The following SETD1A variants were observed in gnomAD, a reference collection of about 807,000 sequenced individuals.
SETD1A encodes the protein histone-lysine N-methyltransferase SETD1A.
Under a neutral mutation model 149.9 loss-of-function variants are expected in SETD1A, and 29 were observed. The ratio of observed to expected loss-of-function variants is 0.19; its 90% confidence interval spans 0.14 to 0.26. The LOEUF (loss-of-function observed/expected upper bound fraction) is 0.26. Ranked by LOEUF, SETD1A falls within the 10% of genes least tolerant of loss-of-function variation. The pLI, the probability that SETD1A is intolerant of heterozygous loss-of-function variation, is 1.00. For missense variants in SETD1A, 2,109 were observed against 2,353.1 expected (o/e 0.90, Z 2.15); for synonymous variants, 1,141 against 968.5 (o/e 1.18, Z -3.31).
intron 1 of SETD1A, among the ~76,000 whole-genome samples, 153 bp downstream of exon 1, chr16:30,958,117 G>A (rs1271503769): frequency 6.7e-6 from 1 of 149,730 alleles, no homozygotes; most frequent in East Asian, 2.0e-4. Context: ...GCCGCTCGCC[G>A]GGAGCGGGTG....
chr16:30,979,445 G>C lies in SETD1A; in HGVS notation c.3659G>C (p.Ser1220Thr). The C allele has an allele frequency of 1.2e-6, 2 of 1,605,438 alleles. No individual in the cohort carries two copies. The highest frequency in any genetic ancestry group is 1.7e-6 in the Non-Finnish European group (2 of 1,176,142). Residue 1220 changes from serine to threonine, a missense_variant, in exon 14 of 19, where the codon AGT (serine) becomes ACT (threonine). Transcript: ENST00000262519. ...LPLDHASLVK[S>T]WPEEVSRGGR... is the part of the protein sequence containing the mutation. ...CTGGACCACGCATCTCTGGTCAAGA[G>C]TTGGCCCGAGGAGGTGTCCCGAGGA... is the stretch of plus-strand genomic sequence containing the variant.
Position 30,980,892 on chromosome 16 carries a change from G to T in SETD1A, c.4692+43G>T, listed in dbSNP as rs1476346894. The T allele has an allele frequency of 1.4e-6, 2 of 1,450,906 alleles. No homozygotes were observed. The highest frequency in any genetic ancestry group is 1.4e-5 in the African/African-American group (1 of 71,888). The allele number at this position is 1,450,906 out of a possible 1,614,324, so 89.9% of individuals were successfully genotyped here. A position where few individuals can be genotyped will look rare whatever the true frequency, so the allele number is the denominator to read the frequency against. ...GAGGGGCTGGGTGGGGTGGGGTGGG[G>T]CAGGAAGGGGCAGAGGCCAGGGGAC... On this transcript the variant is annotated intron_variant, in intron 16 of 18. Transcript: ENST00000262519. The surrounding 1 kb of genome is among the most constrained non-coding windows in gnomAD (Gnocchi z 7.7).
Position 30,964,340 on chromosome 16 carries a change from G to A in SETD1A, c.869+17G>A, listed in dbSNP as rs754822452. 33 of 1,598,780 alleles carry A rather than the reference G, an allele frequency of 2.1e-5. No individual in the cohort carries two copies. The highest frequency in any genetic ancestry group is 2.4e-5 in the Non-Finnish European group (28 of 1,167,852). ...CTCCAGCAGGTACAGAGCAGACCCC[G>A]CCTGGGGCCCCGCCCGCAAAGTCTG... is the stretch of plus-strand genomic sequence containing the variant. On this transcript the variant is annotated intron_variant, in intron 6 of 18. Transcript: ENST00000262519.
intron 5 of SETD1A, 151 bp from the exon 6 acceptor site, chr16:30,963,943 G>A (rs2056092994): frequency 3.0e-6 from 2 of 666,772 alleles, no homozygotes; most frequent in Non-Finnish European, 5.1e-6. Context: ...AGTGAGCCGA[G>A]ATCACGCCAC....
chr16:30,980,688 G>T lies in SETD1A; in HGVS notation c.4581+31G>T. 1 of 1,610,848 alleles carries T rather than the reference G, an allele frequency of 6.2e-7. No individual in the cohort carries two copies. On this transcript the variant is annotated intron_variant, in intron 15 of 18. Transcript: ENST00000262519. The surrounding 1 kb of genome is among the most constrained non-coding windows in gnomAD (Gnocchi z 7.7). ...CCTAACCCCGCCGCCGCGTCCTCCT[G>T]CCACTCACTTCCCTGCCCTGCTCAC...
At position 30,979,220 on chromosome 16, in the gene SETD1A, CA is replaced by C; in HGVS notation, c.3435del (p.Arg1146AlafsTer116). On this transcript the variant is annotated frameshift_variant, in exon 14 of 19. Coordinates refer to ENST00000262519, the MANE Select transcript of SETD1A (RefSeq NM_014712.3). LOFTEE classifies it high-confidence loss of function. ...EPPAGPPAPA[P>X]RPDERPSSPI... The stretch of plus-strand genomic sequence containing the variant: ...CCTGCTGGGCCCCCGGCCCCTGCCC[CA>C]CGCCCCGATGAGCGTCCCTCTTCTC... 2 of 1,589,318 alleles carry C rather than the reference CA, an allele frequency of 1.3e-6. No homozygotes were observed. Among genetic ancestry groups the C allele is most frequent in the Non-Finnish European group, 1.7e-6 (2 of 1,167,074 alleles).
chr16:30,980,694 CACTT>C lies in SETD1A; in HGVS notation c.4581+38_4581+41del. 1.9e-6 allele frequency: 3 copies of C among 1,610,912 alleles called. No homozygotes were observed. The highest frequency in any genetic ancestry group is 2.5e-6 in the Non-Finnish European group (3 of 1,179,010). ...CCCGCCGCCGCGTCCTCCTGCCACTCACTTCCCTGCCCTGCTCACCTCCTCCCTG... is the reference window on the plus strand; with the variant it reads ...CCCGCCGCCGCGTCCTCCTGCCACTCCCCTGCCCTGCTCACCTCCTCCCTG... On this transcript the variant is annotated intron_variant, in intron 15 of 18. Transcript: ENST00000262519. The surrounding 1 kb of genome is among the most constrained non-coding windows in gnomAD (Gnocchi z 7.7).
chr16:30,978,626 T>G (rs2056317543), intron 13 of SETD1A, among the ~76,000 whole-genome samples: 1 of 152,234 alleles, frequency 6.6e-6, no homozygotes, highest in Admixed American at 6.5e-5. Context: ...TTTCATAAAA[T>G]ATTTTAATAC....
Position 30,958,730 on chromosome 16 carries a change from A to C in SETD1A, c.-2A>C, listed in dbSNP as rs1333123988. ...TTCCCCTAACAGTGTAAATGAGCAAAGATGGATCAGGAAGGTGGGGGAGAT... is the reference window on the plus strand; with the variant it reads ...TTCCCCTAACAGTGTAAATGAGCAACGATGGATCAGGAAGGTGGGGGAGAT... On this transcript the variant is annotated 5_prime_UTR_variant, in exon 2 of 19. Coordinates refer to ENST00000262519, the MANE Select transcript of SETD1A (RefSeq NM_014712.3). 6.2e-7 allele frequency: 1 copy of C among 1,614,114 alleles called. No individual in the cohort carries two copies. The highest frequency in any genetic ancestry group is 1.1e-5 in the South Asian group (1 of 91,072).
Position 30,984,312 on chromosome 16 carries a change from G to A in SETD1A, c.*289G>A. On this transcript the variant is annotated 3_prime_UTR_variant, in exon 19 of 19. Transcript: ENST00000262519. ...CTGTGGAAACCTGGGGTGCCGGCCT[G>A]TACAGATTCTGTCCTGGGGGGCTAC... The A allele has an allele frequency of 2.3e-6, 1 of 436,996 alleles. No homozygotes were observed. The highest frequency in any genetic ancestry group is 4.2e-6 in the Non-Finnish European group (1 of 239,152). The allele number at this position is 436,996 out of a possible 1,614,324, so 27.1% of individuals were successfully genotyped here.
rs367557536 is a variant in SETD1A at position 30,983,945 on chromosome 16, C to T, written c.5046C>T (p.Tyr1682=). Residue 1682 remains tyrosine, a synonymous_variant, in exon 19 of 19, where the codon TAC becomes TAT. Transcript: ENST00000262519. This position sits in a 1 kb window ranked among gnomAD's most constrained non-coding sequence, Gnocchi z 6.8. The part of the protein sequence containing the change: ...QPIGVDEEIT[Y]DYKFPLEDNK... ...TTGGCGTGGACGAGGAGATCACCTA[C>T]GACTACAAGTTCCCACTGGAAGACA... is the stretch of plus-strand genomic sequence containing the variant. 7.6e-5 allele frequency: 122 copies of T among 1,614,112 alleles called. 2 individuals are homozygous for T. The South Asian group carries it at 1.1e-3, about 15-fold the overall frequency.
In SETD1A at chr16:30,979,455, G is replaced by A. The variant is rs1319360462; in HGVS notation, c.3669G>A (p.Glu1223=). The A allele has an allele frequency of 6.2e-7, 1 of 1,603,512 alleles. No homozygotes were observed. ...CATCTCTGGTCAAGAGTTGGCCCGA[G>A]GAGGTGTCCCGAGGAGGCCGGAGCC... is the stretch of plus-strand genomic sequence containing the variant. The part of the protein sequence containing the change: ...DHASLVKSWP[E]EVSRGGRSRA... The change falls in exon 14 of 19, where the codon GAG becomes GAA. Residue 1223 remains glutamate (E), a synonymous_variant. Coordinates refer to ENST00000262519, the MANE Select transcript of SETD1A (RefSeq NM_014712.3).
At chr16:30,960,619 G>A (rs555231042) in intron 3 of SETD1A, among the ~76,000 whole-genome samples, 2 of 151,860 alleles carry the variant, frequency 1.3e-5, no homozygotes, top group Non-Finnish European at 2.9e-5. Context: ...TATTTCCAGT[G>A]CCTCGTTCAT....
At chr16:30,974,793 C>T (rs1207534785) in intron 13 of SETD1A, among the ~76,000 whole-genome samples, 1 of 151,648 alleles carries the variant, frequency 6.6e-6, no homozygotes, top group Non-Finnish European at 1.5e-5. Context: ...GATCACTTGA[C>T]GTCAGGAGTT....
chr16:30,979,405 A>C lies in SETD1A; in HGVS notation c.3619A>C (p.Ile1207Leu), dbSNP rs1362639783. ...GGCTCCCCGGGGCGTGGAGCGGACC[A>C]TCCGCAACCTGCCCCTGGACCACGC... Reference protein sequence around the residue: ...RKAPRGVERTIRNLPLDHASL... With the variant: ...RKAPRGVERTLRNLPLDHASL... Residue 1207 changes from isoleucine to leucine, a missense_variant, in exon 14 of 19, where the codon ATC (isoleucine) becomes CTC (leucine). This residue lies in a region of SETD1A where 832 missense variants were observed against 815.6 expected (regional missense o/e 1.02). Transcript: ENST00000262519. 6.2e-7 allele frequency: 1 copy of C among 1,611,718 alleles called. No individual in the cohort carries two copies. Among genetic ancestry groups the C allele is most frequent in the Admixed American group, 1.7e-5 (1 of 59,792 alleles).
rs1178801351 is a variant in SETD1A at position 30,971,385 on chromosome 16, C to T, written c.3024C>T (p.Asp1008=). The change falls in exon 13 of 19, where the codon GAC becomes GAT. Residue 1008 remains aspartate (D), a synonymous_variant. Coordinates refer to ENST00000262519, the MANE Select transcript of SETD1A (RefSeq NM_014712.3). ...CCCCTTCTGGATTTCCAGGCGAGGA[C>T]GAGGAAAGCGATTCGTCTTCCAAAT... is the stretch of plus-strand genomic sequence containing the variant. ...KKETEVSDGE[D]EESDSSSKCS... is the part of the protein sequence containing the mutation. 5.1e-6 allele frequency: 8 copies of T among 1,575,990 alleles called. No individual in the cohort carries two copies. Among genetic ancestry groups the T allele is most frequent in the South Asian group, 1.2e-5 (1 of 85,660 alleles).
chr16:30,968,818 A>G (rs2056187318), intron 10 of SETD1A, among the ~76,000 whole-genome samples: 1 of 151,452 alleles, frequency 6.6e-6, no homozygotes, highest in South Asian at 2.1e-4. Context: ...AAATATATAT[A>G]TATATGCCAG....
rs1046341559 is a variant in SETD1A at position 30,961,203 on chromosome 16, C to T, written c.247-64C>T. On this transcript the variant is annotated intron_variant, in intron 3 of 18. Coordinates refer to ENST00000262519, the MANE Select transcript of SETD1A (RefSeq NM_014712.3). The surrounding 1 kb of genome is among the most constrained non-coding windows in gnomAD (Gnocchi z 4.0). ...GACTTCATGGAGCTTGCTAAAGTTT[C>T]CCGAAGGACAAAGGAACAGTGGTCA... The T allele has an allele frequency of 2.6e-6, 4 of 1,545,210 alleles. No individual in the cohort carries two copies. The African/African-American group carries it at 4.1e-5, about 16-fold the overall frequency.
rs201876288 is a variant in SETD1A, at chr16:30,966,077, A to G, written c.2196A>G (p.Leu732=). The G allele has an allele frequency of 1.8e-5, 28 of 1,588,218 alleles. No homozygotes were observed. In the East Asian group the frequency reaches 2.9e-4, roughly 17 times the overall value. ...QEAAYGLPYA[L]YAQGQEGRGA... Reference sequence around the variant, plus strand: ...CAGCCTACGGCTTGCCGTATGCTCTATATGCACAGGGGCAGGAGGGCAGAG... The same window carrying G: ...CAGCCTACGGCTTGCCGTATGCTCTGTATGCACAGGGGCAGGAGGGCAGAG... Residue 732 remains leucine (L), a synonymous_variant, in exon 8 of 19, where the codon CTA becomes CTG. Coordinates refer to ENST00000262519, the MANE Select transcript of SETD1A (RefSeq NM_014712.3).
Sources: allele counts gnomAD v4.1 joint callset (sites outside exome capture counted in the v4.1 genomes callset), GRCh38; gene constraint gnomAD v4.1.1; regional missense constraint gnomAD v4.1.1; non-coding constraint Gnocchi (gnomAD v3.1); transcripts MANE v1.5; gene names NCBI Gene and HGNC (gene_info 2026-07-23, HGNC 2026-07-21).